TMEM200A: variants seen among roughly 807,000 people sequenced by gnomAD.
The protein encoded by TMEM200A is two transmembrane C.
Under a neutral mutation model 24.3 loss-of-function variants are expected in TMEM200A, and 12 were observed. The ratio of observed to expected loss-of-function variants is 0.49; its 90% CI spans 0.32 to 0.80. The LOEUF is 0.80. Ranked by LOEUF, TMEM200A falls within the 30% of genes least tolerant of loss-of-function variation. TMEM200A has a pLI of 0.04. For synonymous variants in TMEM200A, 224 were observed against 224.4 expected, an observed-to-expected ratio of 1.00 and a Z score of 0.02; for missense variants, 545 against 614.4, an observed-to-expected ratio of 0.89 and a Z score of 1.19.
chr6:130,385,197 G>A lies in TMEM200A; in HGVS notation c.-56G>A, dbSNP rs1778684825. ...GCACACAGAGCCGCTGAAAACGACT[G>A]AAGAGAGCAAGGGATTTCCTGGGAC... On this transcript the variant is annotated 5_prime_UTR_variant, in exon 2 of 3. Coordinates refer to ENST00000296978, the MANE Select transcript of TMEM200A (RefSeq NM_001258277.2). The A allele has an allele frequency of 6.6e-6, 1 of 152,234 alleles. No homozygotes were observed. The highest frequency in any genetic ancestry group is 6.5e-5 in the Admixed American group (1 of 15,278). 9.4% of individuals were successfully genotyped at this position (152,234 alleles called of 1,614,324 possible). A position where few individuals can be genotyped will look rare whatever the true frequency, so the allele number is the denominator to read the frequency against.
chr6:130,366,510 C>G lies in TMEM200A; in HGVS notation c.-95C>G, dbSNP rs1254340942. On this transcript the variant is annotated 5_prime_UTR_variant, in exon 1 of 3. Coordinates refer to ENST00000296978, the MANE Select transcript of TMEM200A (RefSeq NM_001258277.2). This position sits in a 1 kb window ranked among gnomAD's most constrained non-coding sequence, Gnocchi z 4.4. ...GAGAGGCGACCCGACCCCCAGGGCCCGGTGCTCAGGACAGGTGAGGGGAAG... is the reference window on the plus strand; with the variant it reads ...GAGAGGCGACCCGACCCCCAGGGCCGGGTGCTCAGGACAGGTGAGGGGAAG... 2 of 982,794 alleles carry G rather than the reference C, an allele frequency of 2.0e-6. No homozygotes were observed. The highest frequency in any genetic ancestry group is 1.2e-4 in the East Asian group (1 of 8,482). The allele number at this position is 982,794 out of a possible 1,614,324, so 60.9% of individuals were successfully genotyped here.
chr6:130,383,264 A>G (rs1778643171), intron 1 of TMEM200A, among the ~76,000 whole-genome samples: 1 of 152,142 alleles, frequency 6.6e-6, no homozygotes, highest in Non-Finnish European at 1.5e-5. Context: ...TCTCTTCCCA[A>G]TTGCTAGGAA....
Position 130,431,263 on chromosome 6 carries a change from T to C in TMEM200A, c.-16-9144T>C, listed in dbSNP as rs1462184901. ...TACTTAGTAGAGTCTCATTATTCAATGGTGTCTCCAAAAACATAGCCACTA... is the reference window on the plus strand; with the variant it reads ...TACTTAGTAGAGTCTCATTATTCAACGGTGTCTCCAAAAACATAGCCACTA... On this transcript the variant is annotated intron_variant, in intron 2 of 2. Transcript: ENST00000296978. 3.3e-5 allele frequency among the ~76,000 whole-genome samples: 5 copies of C among 152,198 alleles called. No individual in the cohort carries two copies. The South Asian group carries it at 6.2e-4, about 19-fold the overall frequency.
intron 2 of TMEM200A, chr6:130,437,287 T>G (rs907370648): frequency 2.0e-5 from 3 of 152,352 alleles, no homozygotes; most frequent in Non-Finnish European, 4.4e-5. Context: ...CTAACCTGAC[T>G]TTTGACTGTG....
Position 130,412,469 on chromosome 6 carries a change from C to G in TMEM200A, c.-17+27233C>G, listed in dbSNP as rs142058683. On this transcript the variant is annotated intron_variant, in intron 2 of 2. Transcript: ENST00000296978. ...TCTCAGCTCTCTCAGATTCTAACAC[C>G]TTGTGCTGGCCCACAGCCCCATATG... 1.4e-3 allele frequency among the ~76,000 whole-genome samples: 218 copies of G among 152,254 alleles called. 2 individuals are homozygous for G. Among genetic ancestry groups the G allele is most frequent in the African/African-American group, 5.2e-3 (215 of 41,560 alleles).
chr6:130,400,749 A>G lies in TMEM200A; in HGVS notation c.-17+15513A>G, dbSNP rs192627700. Reference sequence around the variant, plus strand: ...ACACTTGGAGCTTTAGGCAAAGATAAGCTTCCTTATTGTTTCACTGAGCCA... The same window carrying G: ...ACACTTGGAGCTTTAGGCAAAGATAGGCTTCCTTATTGTTTCACTGAGCCA... On this transcript the variant is annotated intron_variant, in intron 2 of 2. Transcript: ENST00000296978. 1.1e-3 allele frequency among the ~76,000 whole-genome samples: 171 copies of G among 152,048 alleles called. 1 individual carries two copies. Among genetic ancestry groups the G allele is most frequent in the South Asian group, 9.5e-3 (46 of 4,828 alleles).
chr6:130,404,489 T>A (rs913852322), intron 2 of TMEM200A, among the ~76,000 whole-genome samples: 3 of 152,062 alleles, frequency 2.0e-5, no homozygotes, highest in Non-Finnish European at 4.4e-5. Context: ...AAAAATAATA[T>A]CCTGTTTATG....
chr6:130,397,624 T>A (rs1412062228), intron 2 of TMEM200A, among the ~76,000 whole-genome samples: 1 of 151,884 alleles, frequency 6.6e-6, no homozygotes, highest in Non-Finnish European at 1.5e-5. Context: ...ATTTGTGGTT[T>A]TTTTTGAAAT....
At chr6:130,406,125 T>G (rs535338652) in intron 2 of TMEM200A, among the ~76,000 whole-genome samples, 11 of 152,314 alleles carry the variant, frequency 7.2e-5, no homozygotes, top group African/African-American at 2.4e-4. Context: ...ATATATTCAA[T>G]ATCTAACTTT....
At chr6:130,423,776 A>C (rs1283114838) in intron 2 of TMEM200A, among the ~76,000 whole-genome samples, 1 of 152,134 alleles carries the variant, frequency 6.6e-6, no homozygotes, top group Non-Finnish European at 1.5e-5. Flanking sequence ...TAAGAAACTA[A>C]ACAGATTAAA....
chr6:130,439,282 G>C (rs1264796495), intron 2 of TMEM200A: 1 of 152,172 alleles, frequency 6.6e-6, no homozygotes, highest in Non-Finnish European at 1.5e-5. Context: ...TCTGCACAAG[G>C]CTGGGAAGAG....
At chr6:130,371,004 A>C (rs1220986420) in intron 1 of TMEM200A, among the ~76,000 whole-genome samples, 4 of 152,218 alleles carry the variant, frequency 2.6e-5, no homozygotes, top group Non-Finnish European at 5.9e-5. Flanking sequence ...TTTAGGAGGC[A>C]TAAGATGATA....
intron 1 of TMEM200A, among the ~76,000 whole-genome samples, chr6:130,380,526 G>T (rs1330362178): frequency 6.6e-6 from 1 of 152,132 alleles, no homozygotes; most frequent in African/African-American, 2.4e-5. Flanking sequence ...ATGCATTTTA[G>T]CTCATTAAAG....
At chr6:130,381,449 G>GT (rs1257852461) in intron 1 of TMEM200A, among the ~76,000 whole-genome samples, 1 of 152,216 alleles carries the variant, frequency 6.6e-6, no homozygotes, top group East Asian at 1.9e-4. Context: ...AAGTGGCACT[G>GT]TTTTCCTGAT....
At chr6:130,407,246 A>G (rs1370994876) in intron 2 of TMEM200A, among the ~76,000 whole-genome samples, 1 of 152,336 alleles carries the variant, frequency 6.6e-6, no homozygotes, top group Middle Eastern at 3.4e-3. Context: ...AAATACAGTG[A>G]CAGAAGCAAA....
At position 130,441,751 on chromosome 6, in the gene TMEM200A, G is replaced by C. The variant is rs768833901; in HGVS notation, c.1329G>C (p.Leu443Phe). Residue 443 changes from leucine to phenylalanine, a missense_variant, in exon 3 of 3, where the codon TTG becomes TTC. By Grantham distance (22) the Leu-to-Phe change is conservative. Coordinates refer to ENST00000296978, the MANE Select transcript of TMEM200A (RefSeq NM_001258277.2). Reference protein sequence around the residue: ...LENKEDPMDRLLVPQVAIKKD... With the variant: ...LENKEDPMDRFLVPQVAIKKD... ...ACAAAGAAGACCCGATGGATAGGTT[G>C]CTTGTGCCCCAAGTTGCCATCAAAA... is the stretch of plus-strand genomic sequence containing the variant. 1 of 1,614,036 alleles carries C rather than the reference G, an allele frequency of 6.2e-7. No individual in the cohort carries two copies. The highest frequency in any genetic ancestry group is 8.5e-7 in the Non-Finnish European group (1 of 1,179,982).
In TMEM200A at chr6:130,440,763, G is replaced by C; in HGVS notation, c.341G>C (p.Arg114Pro). 6.2e-7 allele frequency: 1 copy of C among 1,613,814 alleles called. No individual in the cohort carries two copies. The highest frequency in any genetic ancestry group is 8.5e-7 in the Non-Finnish European group (1 of 1,179,932). ...CGGAATGAAGGCGGTGTGGTGGTTC[G>C]CTTCTTTGAGCAGCATTTGCATTCT... ...VIRNEGGVVVRFFEQHLHSDK... is the reference protein window; with the variant it reads ...VIRNEGGVVVPFFEQHLHSDK... The change falls in exon 3 of 3, where the codon CGC (arginine) becomes CCC (proline). Residue 114 changes from arginine to proline, a missense_variant. By Grantham distance (103) the Arg-to-Pro change is moderately radical. Transcript: ENST00000296978.
chr6:130,432,009 A>C lies in TMEM200A; in HGVS notation c.-16-8398A>C, dbSNP rs1387400203. ...GAATGTAGAACTATACTGAATATTGAGAAACAATTCTCCCCAAGGTAGACC... is the reference window on the plus strand; with the variant it reads ...GAATGTAGAACTATACTGAATATTGCGAAACAATTCTCCCCAAGGTAGACC... On this transcript the variant is annotated intron_variant, in intron 2 of 2. Transcript: ENST00000296978. Among the ~76,000 whole-genome samples the C allele has an allele frequency of 2.0e-5, 3 of 152,330 alleles. No individual in the cohort carries two copies. In the South Asian group the frequency reaches 6.2e-4, roughly 32 times the overall value.
At chr6:130,425,453 AGATTTAG>A (rs1241507129) in intron 2 of TMEM200A, among the ~76,000 whole-genome samples, 1 of 146,660 alleles carries the variant, frequency 6.8e-6, no homozygotes, top group Admixed American at 6.8e-5. Flanking sequence ...TATCTTATTC[AGATTTAG>A]GAAGAAAGGA....
Sources: gnomAD v4.1 joint callset for allele counts (sites outside exome capture counted in the v4.1 genomes callset) on GRCh38, gnomAD v4.1.1 for gene constraint, Gnocchi (gnomAD v3.1) non-coding constraint, MANE v1.5 for transcripts, NCBI Gene and HGNC (gene_info 2026-07-23, HGNC 2026-07-21) for gene names.